Variants in IGSF5 observed in about 807,000 individuals in gnomAD.
The protein encoded by IGSF5 is immunoglobulin superfamily member 5.
Under a neutral mutation model 39.4 loss-of-function variants are expected in IGSF5, and 41 were observed. That is an observed-to-expected ratio of 1.04 (90% CI 0.81 to 1.35). IGSF5 has a LOEUF of 1.35. IGSF5 is among the 40% of genes most tolerant of loss of function. The pLI, the probability that IGSF5 is intolerant of heterozygous loss-of-function variation, is 0.00. For synonymous variants in IGSF5, 183 were observed against 175.3 expected (o/e 1.04, Z -0.34); for missense variants, 487 against 494.6 (o/e 0.98, Z 0.15).
rs9636963 is a variant in IGSF5 at position 39,799,336 on chromosome 21, C to A, written c.1129-1926C>A. On this transcript the variant is annotated intron_variant, in intron 8 of 8. Coordinates refer to ENST00000380588, the MANE Select transcript of IGSF5 (RefSeq NM_001080444.2). Reference sequence around the variant, plus strand: ...TAAATACCGCTGCCTTGGTACCCTGCTGGCGTAGCAGCAGCTCTCAGTACA... The same window carrying A: ...TAAATACCGCTGCCTTGGTACCCTGATGGCGTAGCAGCAGCTCTCAGTACA... Among the ~76,000 whole-genome samples the A allele has an allele frequency of 2.0e-4, 30 of 152,324 alleles. No homozygotes were observed. The East Asian group carries it at 5.0e-3, about 25-fold the overall frequency.
intron 2 of IGSF5, among the ~76,000 whole-genome samples, chr21:39,761,975 A>G (rs1309950075): frequency 6.6e-6 from 1 of 152,158 alleles, no homozygotes; most frequent in Admixed American, 6.5e-5. Context: ...GCTGAAAGGG[A>G]ATCTTTTCAA....
chr21:39,717,034 T>C, the IGSF5 span, among the ~76,000 whole-genome samples: 5 of 152,250 alleles, frequency 3.3e-5, no homozygotes, highest in Non-Finnish European at 5.9e-5. Flanking sequence ...TTTTTAGTAA[T>C]AGCCATTCTG....
chr21:39,762,058 GA>G (rs941919814), intron 2 of IGSF5, among the ~76,000 whole-genome samples: 1 of 152,162 alleles, frequency 6.6e-6, no homozygotes, highest in African/African-American at 2.4e-5. Flanking sequence ...GGCAGGGCTC[GA>G]GATGTGGATT....
chr21:39,749,002 G>A (rs1569246651), intron 2 of IGSF5, among the ~76,000 whole-genome samples: 1 of 151,944 alleles, frequency 6.6e-6, no homozygotes, highest in African/African-American at 2.4e-5. Context: ...TCAGCACCAG[G>A]CGCCTGTGGA....
At chr21:39,718,333 C>G in the IGSF5 span, among the ~76,000 whole-genome samples, 7 of 152,014 alleles carry the variant, frequency 4.6e-5, no homozygotes, top group South Asian at 2.1e-4. Flanking sequence ...ATTTGGATAC[C>G]CTTTCTTTCT....
At chr21:39,745,914 G>A (rs1006712520) in intron 1 of IGSF5, among the ~76,000 whole-genome samples, 3 of 152,182 alleles carry the variant, frequency 2.0e-5, no homozygotes, top group African/African-American at 4.8e-5. Context: ...AAAATGTTAC[G>A]GGGGGTGGGG....
the IGSF5 span, chr21:39,725,814 T>G: frequency 6.6e-6 from 1 of 152,296 alleles, no homozygotes; most frequent in Admixed American, 6.5e-5. Flanking sequence ...TGTGTGCAAT[T>G]AACAGCCGTT....
chr21:39,734,832 A>G, the IGSF5 span, among the ~76,000 whole-genome samples: 2 of 152,158 alleles, frequency 1.3e-5, no homozygotes, highest in South Asian at 2.1e-4. Flanking sequence ...ACATTAAGTC[A>G]ATAACATCTG....
At chr21:39,782,056 A>C (rs1167992753) in intron 5 of IGSF5, among the ~76,000 whole-genome samples, 1 of 152,152 alleles carries the variant, frequency 6.6e-6, no homozygotes, top group African/African-American at 2.4e-5. Context: ...CAAATAACTA[A>C]GCAGTTGTCC....
chr21:39,721,638 G>C, the IGSF5 span, among the ~76,000 whole-genome samples: 1 of 151,338 alleles, frequency 6.6e-6, no homozygotes, highest in African/African-American at 2.4e-5. Flanking sequence ...GGGGACTAGA[G>C]CCTGGCCATG....
intron 4 of IGSF5, among the ~76,000 whole-genome samples, chr21:39,773,830 G>A (rs2080126800): frequency 6.6e-6 from 1 of 152,212 alleles, no homozygotes. Flanking sequence ...GGAATAAAAT[G>A]GACTGGTTAA....
At chr21:39,721,673 CCCTT>C in the IGSF5 span, among the ~76,000 whole-genome samples, 12,565 of 140,760 alleles carry the variant, frequency 0.089, 667 homozygotes, top group African/African-American at 0.13. Context: ...GGCCATCTGT[CCCTT>C]CCTTCCTTCC....
chr21:39,782,021 G>A (rs189013597), intron 5 of IGSF5, among the ~76,000 whole-genome samples: 2 of 128,544 alleles, frequency 1.6e-5, no homozygotes, highest in Non-Finnish European at 1.6e-5. Context: ...GTGATATGTT[G>A]TATGCATCTA....
chr21:39,719,313 G>A, the IGSF5 span, among the ~76,000 whole-genome samples: 1 of 152,168 alleles, frequency 6.6e-6, no homozygotes, highest in East Asian at 1.9e-4. Context: ...TCTTCCACCT[G>A]ACTGTAAGCT....
intron 8 of IGSF5, among the ~76,000 whole-genome samples, chr21:39,795,538 A>AT (rs752905821): frequency 1.3e-5 from 2 of 151,172 alleles, no homozygotes; most frequent in Non-Finnish European, 2.9e-5. Context: ...TTCTCTTCAA[A>AT]ATACATCTAG....
intron 3 of IGSF5, among the ~76,000 whole-genome samples, chr21:39,767,935 C>T (rs974859044): frequency 1.3e-5 from 2 of 152,178 alleles, no homozygotes; most frequent in African/African-American, 4.8e-5. Context: ...ATCCCTGGAG[C>T]AGGGAAACAC....
chr21:39,737,701 C>T, the IGSF5 span, among the ~76,000 whole-genome samples: 1 of 152,314 alleles, frequency 6.6e-6, no homozygotes, highest in East Asian at 1.9e-4. Context: ...CAGGAACCTC[C>T]ATGTGTTCCG....
At chr21:39,719,021 T>C in the IGSF5 span, among the ~76,000 whole-genome samples, 1 of 152,212 alleles carries the variant, frequency 6.6e-6, no homozygotes, top group Admixed American at 6.5e-5. Flanking sequence ...TGATTCAGTT[T>C]TGCAGCTCCT....
At chr21:39,799,168 G>GA (rs1213014546) in intron 8 of IGSF5, among the ~76,000 whole-genome samples, 1 of 152,206 alleles carries the variant, frequency 6.6e-6, no homozygotes, top group African/African-American at 2.4e-5. Flanking sequence ...TTTCTTCCCT[G>GA]AACATGAGAC....
Sources: gnomAD v4.1 joint callset for allele counts (sites outside exome capture counted in the v4.1 genomes callset) on GRCh38, gnomAD v4.1.1 for gene constraint, MANE v1.5 for transcripts, NCBI Gene and HGNC (gene_info 2026-07-23, HGNC 2026-07-21) for gene names.